MCF2L: variants seen among roughly 807,000 people sequenced by gnomAD.
MCF2L encodes the protein guanine nucleotide exchange factor DBS.
Under a neutral mutation model 153.4 loss-of-function variants are expected in MCF2L, and 97 were observed. The observed-to-expected ratio is 0.63, with a 90% CI of 0.54 to 0.75. The LOEUF (loss-of-function observed/expected upper bound fraction) is 0.75, where lower values mean the gene tolerates loss of function less well. MCF2L is among the 30% of genes least tolerant of loss of function. The pLI, the probability that MCF2L is intolerant of heterozygous loss-of-function variation, is 0.00. For synonymous variants in MCF2L, 659 were observed against 632.2 expected, an observed-to-expected ratio of 1.04 and a Z score of -0.64; for missense variants, 1,347 against 1,495.2, an observed-to-expected ratio of 0.90 and a Z score of 1.64.
In MCF2L at chr13:113,075,149, T is replaced by G; in HGVS notation, c.1268T>G (p.Leu423Arg). The G allele has an allele frequency of 6.2e-7, 1 of 1,611,704 alleles. No individual in the cohort carries two copies. The highest frequency in any genetic ancestry group is 8.5e-7 in the Non-Finnish European group (1 of 1,179,084). Residue 423 changes from leucine to arginine, a missense_variant, in exon 11 of 30, where the codon CTG (leucine) becomes CGG (arginine). Physicochemically the swap from Leu to Arg is moderately radical, Grantham distance 102. Coordinates refer to ENST00000535094, the MANE Select transcript of MCF2L (RefSeq NM_001112732.3). ...GCGGAGATCGCAAGGAGGAGGGGGC[T>G]GCTCAGCAAGTCCCTGGAGCTGCAC... Reference protein sequence around the residue: ...FSAEIARRRGLLSKSLELHRR... With the variant: ...FSAEIARRRGRLSKSLELHRR...
intron 1 of MCF2L, chr13:113,001,815 G>A (rs924853380): frequency 3.8e-5 from 55 of 1,447,672 alleles, no homozygotes; most frequent in Middle Eastern, 4.5e-4. Context: ...TCCCCGCTTC[G>A]CGGCCAAGAT....
intron 2 of MCF2L, among the ~76,000 whole-genome samples, chr13:112,961,259 T>G (rs1566662599): frequency 6.6e-6 from 1 of 152,258 alleles, no homozygotes; most frequent in Non-Finnish European, 1.5e-5. Flanking sequence ...CTGCTGTTAT[T>G]GTATTGTCAT....
At chr13:113,080,177 G>C (rs1324489636) in intron 15 of MCF2L, among the ~76,000 whole-genome samples, 2 of 131,536 alleles carry the variant, frequency 1.5e-5, no homozygotes, top group African/African-American at 3.0e-5. Flanking sequence ...ATACGGAAGA[G>C]GGTCCAGGCA....
chr13:112,977,671 C>T (rs976695977), intron 1 of MCF2L, among the ~76,000 whole-genome samples: 3 of 152,200 alleles, frequency 2.0e-5, no homozygotes, highest in Non-Finnish European at 2.9e-5. Context: ...CACCTTACCA[C>T]GCACAAGGGA....
intron 2 of MCF2L, among the ~76,000 whole-genome samples, chr13:112,929,761 G>A (rs552422316): frequency 2.0e-5 from 3 of 152,304 alleles, no homozygotes; most frequent in South Asian, 2.1e-4. Flanking sequence ...ATCACGGACT[G>A]CATGGTCGGG....
At chr13:113,077,247 G>A (rs1215076854) in intron 13 of MCF2L, 36 bp downstream of exon 13, 1 of 1,488,468 alleles carries the variant, frequency 6.7e-7, no homozygotes, top group Non-Finnish European at 9.0e-7. Flanking sequence ...GGTGCTGTGG[G>A]ACCCTCGGGG....
intron 4 of MCF2L, among the ~76,000 whole-genome samples, chr13:113,051,338 G>A (rs1017402058): frequency 5.3e-5 from 8 of 152,200 alleles, no homozygotes; most frequent in Non-Finnish European, 8.8e-5. Context: ...TCCCTACTCC[G>A]GTGGTCCCAG....
At chr13:113,091,560 T>C (rs2035215217) in intron 26 of MCF2L, among the ~76,000 whole-genome samples, 1 of 150,918 alleles carries the variant, frequency 6.6e-6, no homozygotes, top group South Asian at 2.1e-4. Flanking sequence ...TGCCCTTCCC[T>C]GTGGCACAGT....
chr13:112,920,531 G>T (rs2081341518), intron 2 of MCF2L, among the ~76,000 whole-genome samples: 1 of 152,120 alleles, frequency 6.6e-6, no homozygotes, highest in Non-Finnish European at 1.5e-5. Flanking sequence ...GATGGCCGGT[G>T]ACCCCAGAAC....
intron 1 of MCF2L, among the ~76,000 whole-genome samples, chr13:112,997,520 G>A (rs183880805): frequency 2.0e-5 from 3 of 152,206 alleles, no homozygotes; most frequent in South Asian, 2.1e-4. Flanking sequence ...CTGGTGAGCC[G>A]CGCCCTCTGC....
intron 4 of MCF2L, among the ~76,000 whole-genome samples, chr13:113,056,199 G>A (rs2087756243): frequency 1.3e-5 from 2 of 152,268 alleles, no homozygotes; most frequent in Non-Finnish European, 2.9e-5. Flanking sequence ...TATGCACAAG[G>A]GGCAGGGGCA....
intron 2 of MCF2L, among the ~76,000 whole-genome samples, chr13:112,953,446 C>G (rs1338440390): frequency 6.6e-6 from 1 of 152,176 alleles, no homozygotes; most frequent in African/African-American, 2.4e-5. Flanking sequence ...TGTCCGCTCC[C>G]CTCTCAAAAA....
At chr13:113,043,177 C>G (rs2086608976) in intron 3 of MCF2L, 1 of 152,264 alleles carries the variant, frequency 6.6e-6, no homozygotes, top group South Asian at 2.1e-4. Context: ...GCCAGTGTCG[C>G]AGAGGCGGTG....
chr13:113,096,472 C>T lies in MCF2L; in HGVS notation c.3177C>T (p.Asp1059=), dbSNP rs201046729. ...GDVVELVQEG[D]EGLWYVRDPT... is the part of the protein sequence containing the mutation. ...TGGTGGAGCTGGTGCAGGAGGGCGA[C>T]GAGGGCCTCTGGTAAGACCCCGCGC... The change falls in exon 28 of 30, where the codon GAC becomes GAT. Residue 1059 remains aspartate, a synonymous_variant. Coordinates refer to ENST00000535094, the MANE Select transcript of MCF2L (RefSeq NM_001112732.3). 2.1e-5 allele frequency: 33 copies of T among 1,588,098 alleles called. No homozygotes were observed. The African/African-American group carries it at 4.0e-4, about 19-fold the overall frequency.
chr13:113,019,392 G>GCGCTCCCTGAGGCCGATGGCTTT (rs2084738559), intron 2 of MCF2L, among the ~76,000 whole-genome samples: 1 of 152,226 alleles, frequency 6.6e-6, no homozygotes, highest in African/African-American at 2.4e-5. Flanking sequence ...ATCCGATCCT[G>GCGCTCCCTGAGGCCGATGGCTTT]CGCTCCCTGA....
At chr13:113,003,245 GC>G (rs1400551606) in intron 1 of MCF2L, among the ~76,000 whole-genome samples, 1 of 151,848 alleles carries the variant, frequency 6.6e-6, no homozygotes, top group East Asian at 1.9e-4. Context: ...GGGGTAGGTG[GC>G]CCCCGTGGGT....
Position 113,031,157 on chromosome 13 carries a change from AGAGAAGAGACAGAGAGT to A in MCF2L, c.278+6402_278+6418del, listed in dbSNP as rs1219821540. 3.6e-3 allele frequency among the ~76,000 whole-genome samples: 546 copies of A among 149,806 alleles called. 2 individuals carry two copies. The highest frequency in any genetic ancestry group is 0.013 in the African/African-American group (512 of 40,672). On this transcript the variant is annotated intron_variant, in intron 3 of 29. Coordinates refer to ENST00000535094, the MANE Select transcript of MCF2L (RefSeq NM_001112732.3). This position sits in a 1 kb window ranked among gnomAD's most constrained non-coding sequence, Gnocchi z 5.5. ...GACAGACAGAGACAGAGAGAGACAG[AGAGAAGAGACAGAGAGT>A]GACAGACAGAGACAGAGAGACAGAG...
Position 113,086,267 on chromosome 13 carries a change from C to T in MCF2L, c.2373+18C>T. ...GCTATGACGTAAGGCGCCCAGATGC[C>T]CGGTCTTCCCCGCCGCCTCCGTGGA... On this transcript the variant is annotated intron_variant, in intron 21 of 29. Transcript: ENST00000535094. The T allele has an allele frequency of 4.4e-6, 7 of 1,606,846 alleles. No homozygotes were observed. Among genetic ancestry groups the T allele is most frequent in the Non-Finnish European group, 5.9e-6 (7 of 1,177,298 alleles).
intron 7 of MCF2L, 28 bp from the exon 8 acceptor site, chr13:113,066,018 G>A (rs763530284): frequency 3.1e-5 from 50 of 1,607,444 alleles, no homozygotes; most frequent in African/African-American, 6.7e-5. Context: ...GGACGGGGCC[G>A]GGACATGAGG....
Sources: gnomAD v4.1 joint callset for allele counts (sites outside exome capture counted in the v4.1 genomes callset) on GRCh38, gnomAD v4.1.1 for gene constraint, Gnocchi (gnomAD v3.1) non-coding constraint, MANE v1.5 for transcripts, NCBI Gene and HGNC (gene_info 2026-07-23, HGNC 2026-07-21) for gene names.